Variants in MALRD1 observed in about 807,000 individuals in gnomAD.
The protein encoded by MALRD1 is MAM and LDL-receptor class A domain-containing protein 1.
MALRD1 carries 247 observed loss-of-function variants against 242.1 expected under a neutral mutation model. The ratio of observed to expected loss-of-function variants is 1.02; its 90% CI spans 0.92 to 1.13. The LOEUF (loss-of-function observed/expected upper bound fraction) is 1.13, where lower values mean the gene tolerates loss of function less well. Among genes scored for constraint, MALRD1 ranks in the 50% most tolerant of loss-of-function variants. MALRD1 has a pLI of 0.00. For missense variants in MALRD1, 2,989 were observed against 2,533.1 expected, an observed-to-expected ratio of 1.18 and a Z score of -3.86; for synonymous variants, 995 against 866.6, an observed-to-expected ratio of 1.15 and a Z score of -2.60.
chr10:19,732,864 T>A (rs1310196371), intron 39 of MALRD1, among the ~76,000 whole-genome samples: 2 of 152,206 alleles, frequency 1.3e-5, no homozygotes, highest in Non-Finnish European at 2.9e-5. Flanking sequence ...TGTGGTGGTG[T>A]AATGGATGAC....
At chr10:19,148,177 G>A (rs1473712908) in intron 11 of MALRD1, among the ~76,000 whole-genome samples, 4 of 152,088 alleles carry the variant, frequency 2.6e-5, no homozygotes, top group Admixed American at 2.6e-4. Flanking sequence ...AGAAATATCA[G>A]TGAGAGATGA....
chr10:19,253,978 T>A (rs540452879), intron 18 of MALRD1, among the ~76,000 whole-genome samples: 184 of 152,074 alleles, frequency 1.2e-3, no homozygotes, highest in African/African-American at 4.3e-3. Flanking sequence ...TTTCACCCTT[T>A]GCTCGTGTCT....
intron 34 of MALRD1, among the ~76,000 whole-genome samples, chr10:19,596,466 A>G (rs1384722592): frequency 7.2e-5 from 11 of 152,142 alleles, no homozygotes; most frequent in Admixed American, 5.9e-4. Flanking sequence ...GCAGTGGCTC[A>G]GGCCTATTAT....
intron 21 of MALRD1, among the ~76,000 whole-genome samples, chr10:19,296,779 G>GTC (rs1841721968): frequency 3.3e-5 from 5 of 152,012 alleles, no homozygotes; most frequent in African/African-American, 1.2e-4. Context: ...AAATGTGATT[G>GTC]AAGCAATTGT....
At chr10:19,571,925 C>T (rs936681313) in intron 33 of MALRD1, among the ~76,000 whole-genome samples, 1 of 152,084 alleles carries the variant, frequency 6.6e-6, no homozygotes, top group Non-Finnish European at 1.5e-5. Flanking sequence ...GATTAACATC[C>T]TACGATGAAA....
intron 4 of MALRD1, among the ~76,000 whole-genome samples, chr10:19,099,763 A>ATATATATTT (rs1554788439): frequency 6.7e-6 from 1 of 149,238 alleles, no homozygotes; most frequent in African/African-American, 2.5e-5. Context: ...ATATATATAT[A>ATATATATTT]TTTTTTTTAA....
intron 24 of MALRD1, among the ~76,000 whole-genome samples, chr10:19,337,258 TAAG>T (rs1171879565): frequency 1.3e-5 from 2 of 152,146 alleles, no homozygotes; most frequent in Non-Finnish European, 2.9e-5. Context: ...CACAGCTTGT[TAAG>T]AGGTGATCAG....
At chr10:19,066,574 T>G (rs1310353366) in intron 1 of MALRD1, 145 bp from the exon 2 acceptor site, 1 of 600,438 alleles carries the variant, frequency 1.7e-6, no homozygotes, top group Non-Finnish European at 2.4e-6. Flanking sequence ...AAGCTTTGCA[T>G]GAATAAAGTA....
intron 36 of MALRD1, among the ~76,000 whole-genome samples, chr10:19,678,046 G>C (rs972040828): frequency 1.3e-5 from 2 of 152,076 alleles, no homozygotes; most frequent in Non-Finnish European, 2.9e-5. Context: ...TTTTGTACTA[G>C]TACCATGCTG....
chr10:19,257,305 C>T (rs997271218), intron 18 of MALRD1, among the ~76,000 whole-genome samples: 1 of 151,796 alleles, frequency 6.6e-6, no homozygotes, highest in African/African-American at 2.4e-5. Context: ...AACAGATGAC[C>T]CAGGAGGATG....
At chr10:19,516,486 A>G (rs1833631848) in intron 31 of MALRD1, among the ~76,000 whole-genome samples, 1 of 152,208 alleles carries the variant, frequency 6.6e-6, no homozygotes, top group African/African-American at 2.4e-5. Flanking sequence ...TAATTTATTA[A>G]AGATTTAGAG....
intron 18 of MALRD1, among the ~76,000 whole-genome samples, chr10:19,217,333 T>C (rs16918358): frequency 0.015 from 2,349 of 152,254 alleles, 63 homozygotes; most frequent in African/African-American, 0.053. Flanking sequence ...ATTCTCTTTT[T>C]GTACTTGGGA....
intron 28 of MALRD1, among the ~76,000 whole-genome samples, chr10:19,443,297 G>T (rs1456779117): frequency 3.3e-5 from 5 of 151,992 alleles, no homozygotes; most frequent in Admixed American, 3.3e-4. Context: ...TTTTTTGAAG[G>T]GTTTTATTGT....
intron 29 of MALRD1, among the ~76,000 whole-genome samples, chr10:19,475,887 C>A (rs1198300656): frequency 6.6e-6 from 1 of 152,132 alleles, no homozygotes; most frequent in Non-Finnish European, 1.5e-5. Flanking sequence ...TTATCAAAAT[C>A]AAAGAGATTC....
intron 36 of MALRD1, among the ~76,000 whole-genome samples, chr10:19,683,644 C>T (rs532086704): frequency 3.3e-5 from 5 of 152,230 alleles, no homozygotes; most frequent in South Asian, 2.1e-4. Flanking sequence ...ATGTGATAAA[C>T]GGACATTTTC....
chr10:19,160,431 G>T (rs1471297663), intron 12 of MALRD1, among the ~76,000 whole-genome samples: 18 of 89,312 alleles, frequency 2.0e-4, no homozygotes, highest in African/African-American at 8.1e-4. Flanking sequence ...CTCTTTTTTG[G>T]TTGTGTCTCT....
intron 14 of MALRD1, among the ~76,000 whole-genome samples, chr10:19,180,510 C>A (rs142712346): frequency 6.6e-6 from 1 of 152,276 alleles, no homozygotes; most frequent in South Asian, 2.1e-4. Flanking sequence ...AAAATCTGGA[C>A]GTTCTCATGC....
intron 14 of MALRD1, among the ~76,000 whole-genome samples, chr10:19,189,621 G>A (rs1363180706): frequency 6.6e-6 from 1 of 152,002 alleles, no homozygotes; most frequent in Non-Finnish European, 1.5e-5. Context: ...GACCAAGTGG[G>A]ATTTTTTTCC....
chr10:19,368,353 G>A (rs1010974993), intron 26 of MALRD1, among the ~76,000 whole-genome samples: 5 of 152,062 alleles, frequency 3.3e-5, no homozygotes, highest in Middle Eastern at 3.4e-3. Context: ...GGTTTCCCTA[G>A]CACCATTTAT....
Sources: gnomAD v4.1 joint callset for allele counts (sites outside exome capture counted in the v4.1 genomes callset) on GRCh38, gnomAD v4.1.1 for gene constraint, MANE v1.5 for transcripts, NCBI Gene and HGNC (gene_info 2026-07-23, HGNC 2026-07-21) for gene names.